The following PGAP4 variants were observed in gnomAD, a reference collection of about 807,000 sequenced individuals.
PGAP4 encodes the protein post-GPI attachment to proteins GalNAc transferase 4.
PGAP4 carries 12 observed loss-of-function variants against 28.2 expected under a neutral mutation model. That is an observed-to-expected ratio of 0.42 (90% CI 0.27 to 0.69). PGAP4 has a LOEUF of 0.69. Among genes scored for constraint, PGAP4 ranks in the 30% least tolerant of loss-of-function variants. PGAP4 has a pLI of 0.22. For synonymous variants in PGAP4, 205 were observed against 211.8 expected (o/e 0.97, Z 0.28); for missense variants, 425 against 513.5 (o/e 0.83, Z 1.67).
intron 2 of PGAP4, among the ~76,000 whole-genome samples, chr9:101,521,875 G>A (rs571619866): frequency 4.8e-4 from 73 of 152,106 alleles, no homozygotes; most frequent in African/African-American, 1.6e-3. Flanking sequence ...CCTTACCATT[G>A]CCTTTGCTGG....
In PGAP4 at chr9:101,474,487, ATGAGG is replaced by A. The variant is rs1826239056; in HGVS notation, c.*1389_*1393del. ...CAGACTCTGATCTTAGAATAAGCTCATGAGGAGTCTCATTTCCAAGCTGGAGATCA... is the reference window on the plus strand; with the variant it reads ...CAGACTCTGATCTTAGAATAAGCTCAAGTCTCATTTCCAAGCTGGAGATCA... On this transcript the variant is annotated 3_prime_UTR_variant, in exon 2 of 2. Coordinates refer to ENST00000374848, the MANE Select transcript of PGAP4 (RefSeq NM_032342.3). The A allele has an allele frequency of 6.6e-6, 1 of 152,250 alleles. No homozygotes were observed. Among genetic ancestry groups the A allele is most frequent in the Non-Finnish European group, 1.5e-5 (1 of 68,042 alleles). The allele number at this position is 152,250 out of a possible 1,614,324, so 9.4% of individuals were successfully genotyped here.
chr9:101,528,075 G>A (rs1827051015), intron 2 of PGAP4, among the ~76,000 whole-genome samples: 1 of 152,180 alleles, frequency 6.6e-6, no homozygotes, highest in Non-Finnish European at 1.5e-5. Flanking sequence ...CCAGGGTCAG[G>A]AAAAGATTTA....
rs1321754711 is a variant in PGAP4 at position 101,473,183 on chromosome 9, G to A, written c.*2698C>T. The A allele has an allele frequency of 6.6e-6, 1 of 152,182 alleles. No individual in the cohort carries two copies. The highest frequency in any genetic ancestry group is 2.4e-5 in the African/African-American group (1 of 41,456). 9.4% of individuals were successfully genotyped at this position (152,182 alleles called of 1,614,324 possible). A position where few individuals can be genotyped will look rare whatever the true frequency, so the allele number is the denominator to read the frequency against. ...TCTTCTCAGAAAGCCTTAGCAAAAT[G>A]GGTGCTTTTATTTTCACAGACATGT... On this transcript the variant is annotated 3_prime_UTR_variant, in exon 2 of 2. Coordinates refer to ENST00000374848, the MANE Select transcript of PGAP4 (RefSeq NM_032342.3).
chr9:101,508,027 T>G (rs1207718876), intron 2 of PGAP4, among the ~76,000 whole-genome samples: 1 of 152,132 alleles, frequency 6.6e-6, no homozygotes, highest in East Asian at 1.9e-4. Flanking sequence ...CCTTATTTGA[T>G]GAAGGTCAAC....
At position 101,521,193 on chromosome 9, in the gene PGAP4, T is replaced by C. The variant is rs1826986329; in HGVS notation, c.-165+10155A>G. On this transcript the variant is annotated intron_variant, in intron 2 of 3. Transcript: ENST00000374851. ...TCTGTAGTTTTCTTTTTTGGTTGTG[T>C]CCTTTCCTAGTTTTGGTATTAGGGT... is the stretch of plus-strand genomic sequence containing the variant. Among the ~76,000 whole-genome samples the C allele has an allele frequency of 2.0e-5, 3 of 152,296 alleles. No individual in the cohort carries two copies. In the South Asian group the frequency reaches 6.2e-4, roughly 32 times the overall value.
At chr9:101,490,085 C>A (rs1041711979), upstream of PGAP4, among the ~76,000 whole-genome samples, 3 of 152,286 alleles carry the variant, frequency 2.0e-5, no homozygotes, top group South Asian at 4.1e-4. Flanking sequence ...CTACCCATTG[C>A]ACATTCCCCT....
At chr9:101,488,338 A>T (rs780310529), upstream of PGAP4, among the ~76,000 whole-genome samples, 2 of 152,140 alleles carry the variant, frequency 1.3e-5, no homozygotes, top group Non-Finnish European at 2.9e-5. Flanking sequence ...TTCCTGGGAG[A>T]AAAAATGGGA....
chr9:101,510,526 T>C (rs1826887976), intron 2 of PGAP4, among the ~76,000 whole-genome samples: 1 of 152,196 alleles, frequency 6.6e-6, no homozygotes, highest in African/African-American at 2.4e-5. Flanking sequence ...GCTTGGAGAA[T>C]GTGACTCACC....
chr9:101,520,393 T>C (rs575708347), intron 2 of PGAP4, among the ~76,000 whole-genome samples: 1 of 152,316 alleles, frequency 6.6e-6, no homozygotes, highest in Non-Finnish European at 1.5e-5. Flanking sequence ...CTTTCAGCAG[T>C]GTTTTATAAT....
At chr9:101,481,469 C>T (rs956644628) in intron 1 of PGAP4, 3 of 152,232 alleles carry the variant, frequency 2.0e-5, no homozygotes, top group African/African-American at 7.2e-5. Flanking sequence ...CATTACAGCT[C>T]CGATTCTACA....
intron 2 of PGAP4, among the ~76,000 whole-genome samples, chr9:101,504,104 G>C (rs1487619688): frequency 6.6e-6 from 1 of 151,468 alleles, no homozygotes; most frequent in African/African-American, 2.4e-5. Flanking sequence ...ACCTGAGCCA[G>C]CATGATAAGG....
chr9:101,507,321 T>C (rs1311071203), intron 2 of PGAP4, among the ~76,000 whole-genome samples: 1 of 152,142 alleles, frequency 6.6e-6, no homozygotes, highest in African/African-American at 2.4e-5. Context: ...AGACAAATTA[T>C]AGTTATCATC....
At chr9:101,481,921 C>T (rs573688910) in intron 1 of PGAP4, among the ~76,000 whole-genome samples, 2 of 152,216 alleles carry the variant, frequency 1.3e-5, no homozygotes, top group African/African-American at 2.4e-5. Flanking sequence ...CTTTTCCCCT[C>T]GCCTTCCCCT....
At chr9:101,524,411 TG>T in intron 2 of PGAP4, among the ~76,000 whole-genome samples, 1 of 152,244 alleles carries the variant, frequency 6.6e-6, no homozygotes, top group East Asian at 1.9e-4. Context: ...ACCTCCCAGC[TG>T]CGAAAGAAAA....
intron 2 of PGAP4, among the ~76,000 whole-genome samples, chr9:101,513,698 ACAG>A (rs1826918586): frequency 9.4e-6 from 1 of 106,406 alleles, no homozygotes; most frequent in Admixed American, 9.1e-5. Context: ...AGATAGATAG[ACAG>A]ATAGATAAGA....
intron 2 of PGAP4, among the ~76,000 whole-genome samples, chr9:101,496,555 T>A (rs1245349463): frequency 6.6e-6 from 1 of 151,448 alleles, no homozygotes; most frequent in Non-Finnish European, 1.5e-5. Context: ...TTAGAAAGAC[T>A]TTTAAATAAT....
At chr9:101,516,808 C>G (rs1189843127) in intron 2 of PGAP4, among the ~76,000 whole-genome samples, 1 of 152,054 alleles carries the variant, frequency 6.6e-6, no homozygotes, top group Non-Finnish European at 1.5e-5. Flanking sequence ...TTTGATTATC[C>G]ATTTTTGCAA....
At chr9:101,524,102 C>G (rs1334956913) in intron 2 of PGAP4, among the ~76,000 whole-genome samples, 2 of 151,748 alleles carry the variant, frequency 1.3e-5, no homozygotes, top group Admixed American at 1.3e-4. Context: ...CTATGGGTCT[C>G]TCAGTCATGG....
rs143439856 is a variant in PGAP4, at chr9:101,525,505, G to A, written c.-165+5843C>T. Among the ~76,000 whole-genome samples the A allele has an allele frequency of 4.0e-3, 607 of 151,856 alleles. 2 individuals are homozygous for A. Among genetic ancestry groups the A allele is most frequent in the Middle Eastern group, 0.02 (6 of 294 alleles). The stretch of plus-strand genomic sequence containing the variant: ...GCAGATTGCCTGATGTCGGGAGTTC[G>A]AGACCAGCCTGGCCAACATGGCGAA... On this transcript the variant is annotated intron_variant, in intron 2 of 3. Transcript: ENST00000374851.
Sources: gnomAD v4.1 joint callset for allele counts (sites outside exome capture counted in the v4.1 genomes callset) on GRCh38, gnomAD v4.1.1 for gene constraint, MANE v1.5 for transcripts, NCBI Gene and HGNC (gene_info 2026-07-23, HGNC 2026-07-21) for gene names.